The following SEMA5B variants were observed in gnomAD, a reference collection of about 807,000 sequenced individuals.
SEMA5B encodes semaphorin 5B, also known as semaphorin-5B.
In SEMA5B, 66 loss-of-function variants were observed where a neutral mutation model predicts 135.0. The ratio of observed to expected loss-of-function variants is 0.49; its 90% CI spans 0.40 to 0.60. The LOEUF (loss-of-function observed/expected upper bound fraction) is 0.60, where lower values mean the gene tolerates loss of function less well. Among genes scored for constraint, SEMA5B ranks in the 20% least tolerant of loss-of-function variants. The probability of loss-of-function intolerance (pLI) is 0.00; values close to 1 mark genes in which losing one functional copy is unlikely to be tolerated. For synonymous variants in SEMA5B, 690 were observed against 639.5 expected (o/e 1.08, Z -1.19); for missense variants, 1,501 against 1,566.3 (o/e 0.96, Z 0.70).
chr3:122,950,208 T>TA (rs1435557718), intron 2 of SEMA5B, among the ~76,000 whole-genome samples: 5 of 152,238 alleles, frequency 3.3e-5, no homozygotes, highest in African/African-American at 1.2e-4. Context: ...CAACACAAGT[T>TA]AAAACATAGA....
intron 1 of SEMA5B, among the ~76,000 whole-genome samples, chr3:122,968,637 C>A (rs919352274): frequency 1.3e-5 from 2 of 152,152 alleles, no homozygotes; most frequent in African/African-American, 2.4e-5. Flanking sequence ...TTTGGATCTT[C>A]CTATGGTTAA....
intron 1 of SEMA5B, among the ~76,000 whole-genome samples, chr3:123,001,774 G>A (rs1358162526): frequency 6.6e-6 from 1 of 152,086 alleles, no homozygotes; most frequent in Non-Finnish European, 1.5e-5. Context: ...GCGAGCACAG[G>A]GAATCCATAT....
At chr3:122,978,861 C>T (rs1941426479) in intron 1 of SEMA5B, among the ~76,000 whole-genome samples, 1 of 152,186 alleles carries the variant, frequency 6.6e-6, no homozygotes, top group Non-Finnish European at 1.5e-5. Context: ...GCCCCTTTTA[C>T]ACCTGTTACC....
intron 22 of SEMA5B, 36 bp downstream of exon 22, chr3:122,910,804 C>T (rs780848709): frequency 6.0e-5 from 88 of 1,469,950 alleles, no homozygotes; most frequent in East Asian, 3.9e-4. Flanking sequence ...AGTGAGACTC[C>T]GTCTCAAAAA....
intron 1 of SEMA5B, among the ~76,000 whole-genome samples, chr3:122,980,387 G>C (rs966219149): frequency 5.3e-5 from 8 of 151,922 alleles, no homozygotes; most frequent in African/African-American, 1.9e-4. Flanking sequence ...TTGAACCCAG[G>C]AGGTGGAGGT....
intron 1 of SEMA5B, among the ~76,000 whole-genome samples, chr3:122,998,601 A>G (rs1942086251): frequency 6.6e-6 from 1 of 152,198 alleles, no homozygotes; most frequent in African/African-American, 2.4e-5. Flanking sequence ...ACAAAGCTCC[A>G]GGCCTACCCT....
At chr3:123,002,004 T>C (rs1404663728) in intron 1 of SEMA5B, among the ~76,000 whole-genome samples, 1 of 152,090 alleles carries the variant, frequency 6.6e-6, no homozygotes, top group Non-Finnish European at 1.5e-5. Context: ...TTTCCATAGG[T>C]GTTTTGAAGT....
intron 1 of SEMA5B, among the ~76,000 whole-genome samples, chr3:123,023,064 A>AG (rs1942725208): frequency 6.6e-6 from 1 of 152,172 alleles, no homozygotes; most frequent in African/African-American, 2.4e-5. Context: ...AGTCACAGAG[A>AG]GGGGGGTTTG....
intron 1 of SEMA5B, among the ~76,000 whole-genome samples, chr3:123,016,744 T>C (rs1002562682): frequency 2.0e-5 from 3 of 151,884 alleles, no homozygotes; most frequent in African/African-American, 7.3e-5. Flanking sequence ...CTGGCTAATT[T>C]AAAAAACCCT....
chr3:122,911,793 T>TC (rs370808301), intron 20 of SEMA5B, 127 bp downstream of exon 20: 45 of 1,254,392 alleles, frequency 3.6e-5, no homozygotes, highest in African/African-American at 3.3e-4. Flanking sequence ...GGCATCTCCT[T>TC]CCCCCCACTT....
At chr3:123,020,815 T>C (rs983287036) in intron 1 of SEMA5B, among the ~76,000 whole-genome samples, 10 of 152,188 alleles carry the variant, frequency 6.6e-5, no homozygotes, top group Admixed American at 5.2e-4. Flanking sequence ...AATTATGTGT[T>C]GAGCTGGACC....
intron 1 of SEMA5B, among the ~76,000 whole-genome samples, chr3:122,964,655 G>A (rs1940741884): frequency 1.3e-5 from 2 of 152,200 alleles, no homozygotes; most frequent in Middle Eastern, 6.8e-3. Flanking sequence ...TCCTGGACAA[G>A]GGAACCCGCT....
At chr3:122,969,793 G>A (rs192160860) in intron 1 of SEMA5B, among the ~76,000 whole-genome samples, 477 of 152,316 alleles carry the variant, frequency 3.1e-3, no homozygotes, top group Non-Finnish European at 4.5e-3. Flanking sequence ...AGAGAGCAGC[G>A]AGGCAGATAA....
At chr3:122,944,343 T>G (rs1939694191) in intron 3 of SEMA5B, among the ~76,000 whole-genome samples, 1 of 152,124 alleles carries the variant, frequency 6.6e-6, no homozygotes, top group African/African-American at 2.4e-5. Context: ...CATCCCTACC[T>G]CCTCCAAGAA....
At chr3:122,998,267 C>T (rs1942077185) in intron 1 of SEMA5B, among the ~76,000 whole-genome samples, 2 of 152,096 alleles carry the variant, frequency 1.3e-5, no homozygotes, top group African/African-American at 4.8e-5. Flanking sequence ...ACTCTGGGGT[C>T]GCTCACTCAC....
At chr3:122,942,137 T>A (rs749092313) in intron 4 of SEMA5B, among the ~76,000 whole-genome samples, 2 of 152,072 alleles carry the variant, frequency 1.3e-5, no homozygotes, top group Non-Finnish European at 2.9e-5. Flanking sequence ...AATTTAAAAA[T>A]TAAAAAATTA....
At chr3:122,977,805 A>G (rs1941382434) in intron 1 of SEMA5B, among the ~76,000 whole-genome samples, 1 of 152,238 alleles carries the variant, frequency 6.6e-6, no homozygotes, top group Non-Finnish European at 1.5e-5. Flanking sequence ...AGAGATTCTG[A>G]TGCACTAGGC....
intron 1 of SEMA5B, among the ~76,000 whole-genome samples, chr3:123,017,363 C>T (rs1161041159): frequency 6.6e-6 from 1 of 151,848 alleles, no homozygotes; most frequent in Non-Finnish European, 1.5e-5. Flanking sequence ...GAAAAGAATG[C>T]TCAGAAAGGG....
At chr3:123,002,477 C>A (rs766366326) in intron 1 of SEMA5B, among the ~76,000 whole-genome samples, 1 of 152,216 alleles carries the variant, frequency 6.6e-6, no homozygotes, top group Non-Finnish European at 1.5e-5. Context: ...CAGACGGATG[C>A]AAACTCCTGC....
Sources: gnomAD v4.1 joint callset for allele counts (sites outside exome capture counted in the v4.1 genomes callset) on GRCh38, gnomAD v4.1.1 for gene constraint, MANE v1.5 for transcripts, NCBI Gene and HGNC (gene_info 2026-07-23, HGNC 2026-07-21) for gene names.